Variants in NCR1 observed in about 807,000 individuals in gnomAD.
NCR1 encodes NK cell-activating receptor.
In NCR1, 30 loss-of-function variants were observed where a neutral mutation model predicts 32.5. That is an observed-to-expected ratio of 0.92 (90% CI 0.69 to 1.25). The LOEUF is 1.25. Among genes scored for constraint, NCR1 ranks in the 50% most tolerant of loss-of-function variants. The pLI is 0.00. For synonymous variants in NCR1, 169 were observed against 143.4 expected (o/e 1.18, Z -1.28); for missense variants, 369 against 380.7 (o/e 0.97, Z 0.26).
the NCR1 span, among the ~76,000 whole-genome samples, chr19:54,935,106 T>TC: frequency 1.3e-5 from 2 of 152,196 alleles, no homozygotes; most frequent in Non-Finnish European, 2.9e-5. Flanking sequence ...TAATGTTGCC[T>TC]CTGCTTCTTC....
At chr19:54,929,251 C>T in the NCR1 span, among the ~76,000 whole-genome samples, 1 of 152,006 alleles carries the variant, frequency 6.6e-6, no homozygotes, top group Non-Finnish European at 1.5e-5. Flanking sequence ...CGCCTGTAAT[C>T]CCAACTACTC....
the NCR1 span, among the ~76,000 whole-genome samples, chr19:54,934,025 T>G: frequency 6.6e-6 from 1 of 152,124 alleles, no homozygotes; most frequent in Non-Finnish European, 1.5e-5. The surrounding 1 kb of genome is among the most constrained non-coding windows in gnomAD (Gnocchi z 6.7). Context: ...TCACTGCCAA[T>G]CGCCGCCTCC....
chr19:54,924,810 A>G, the NCR1 span, among the ~76,000 whole-genome samples: 1 of 151,982 alleles, frequency 6.6e-6, no homozygotes, highest in African/African-American at 2.4e-5. Context: ...GTGGCAGACA[A>G]CTGTAATACC....
the NCR1 span, among the ~76,000 whole-genome samples, chr19:54,924,549 A>G: frequency 3.3e-5 from 5 of 152,306 alleles, no homozygotes; most frequent in East Asian, 9.6e-4. Context: ...ACTTGAGCCC[A>G]GGAGGCGGAG....
chr19:54,900,553 C>T, the NCR1 span, among the ~76,000 whole-genome samples: 1 of 152,012 alleles, frequency 6.6e-6, no homozygotes. Context: ...TACATACAGG[C>T]CACAGGGGGA....
chr19:54,916,702 A>ATTTTTTTTTTTTTTT (rs35842513), downstream of NCR1, among the ~76,000 whole-genome samples: 1 of 50,480 alleles, frequency 2.0e-5, no homozygotes, highest in African/African-American at 8.6e-5. Context: ...CAACTGTTCT[A>ATTTTTTTTTTTTTTT]TTTTTTTTTT....
At chr19:54,910,514 A>C (rs2146076427) in intron 5 of NCR1, among the ~76,000 whole-genome samples, 1 of 152,272 alleles carries the variant, frequency 6.6e-6, no homozygotes, top group South Asian at 2.1e-4. Context: ...GGTTGCAGTG[A>C]GCTGAGATCG....
At chr19:54,926,226 G>GTGTC in the NCR1 span, among the ~76,000 whole-genome samples, 1 of 151,044 alleles carries the variant, frequency 6.6e-6, no homozygotes, top group South Asian at 2.1e-4. Context: ...GTGTGTGTGT[G>GTGTC]TGCTCATGCA....
At chr19:54,927,840 C>T in the NCR1 span, 2 of 1,463,094 alleles carry the variant, frequency 1.4e-6, no homozygotes, top group African/African-American at 1.4e-5. Flanking sequence ...GCGTGTAATC[C>T]CAACACTTCG....
chr19:54,930,071 C>T, the NCR1 span, among the ~76,000 whole-genome samples: 2 of 146,544 alleles, frequency 1.4e-5, no homozygotes, highest in Non-Finnish European at 3.0e-5. Flanking sequence ...GCCGAGATCG[C>T]GCCACTGCAC....
Position 54,912,778 on chromosome 19 carries a change from T to C in NCR1, c.822T>C (p.Val274=), listed in dbSNP as rs2068042460. 1 of 1,614,066 alleles carries C rather than the reference T, an allele frequency of 6.2e-7. No homozygotes were observed. The highest frequency in any genetic ancestry group is 8.5e-7 in the Non-Finnish European group (1 of 1,180,018). Residue 274 remains valine, a synonymous_variant, in exon 7 of 7, where the codon GTT becomes GTC. Coordinates refer to ENST00000291890, the MANE Select transcript of NCR1 (RefSeq NM_004829.7). ...TGGTGGCTCTAGTGTGGTTCCTGGTTGAAGACTGGCTCAGCAGGAAGAGGA... is the reference window on the plus strand; with the variant it reads ...TGGTGGCTCTAGTGTGGTTCCTGGTCGAAGACTGGCTCAGCAGGAAGAGGA... The part of the protein sequence containing the change: ...LVLVALVWFL[V]EDWLSRKRTR...
chr19:54,923,263 A>G, the NCR1 span, among the ~76,000 whole-genome samples: 1 of 152,212 alleles, frequency 6.6e-6, no homozygotes. Flanking sequence ...CATATGAACT[A>G]TCTGGCCCGT....
upstream of NCR1, among the ~76,000 whole-genome samples, chr19:54,902,089 G>C (rs920450329): frequency 6.6e-6 from 1 of 152,228 alleles, no homozygotes; most frequent in East Asian, 1.9e-4. Flanking sequence ...TCAGACAATA[G>C]TGTCATATCA....
At chr19:54,917,438 G>GC (rs1350914043), downstream of NCR1, among the ~76,000 whole-genome samples, 6 of 151,848 alleles carry the variant, frequency 4.0e-5, no homozygotes, top group South Asian at 1.0e-3. Flanking sequence ...TCCTGCCTCA[G>GC]CCCCCCAAGG....
At chr19:54,903,403 T>C (rs962263530), upstream of NCR1, among the ~76,000 whole-genome samples, 24 of 145,064 alleles carry the variant, frequency 1.7e-4, no homozygotes, top group African/African-American at 4.3e-4. Flanking sequence ...TATGTATATG[T>C]ATGTATACAC....
the NCR1 span, chr19:54,938,112 C>T: frequency 6.2e-7 from 1 of 1,614,108 alleles, no homozygotes; most frequent in Non-Finnish European, 8.5e-7. Context: ...AAGAGTCACT[C>T]AGGAAGCTTT....
the NCR1 span, chr19:54,927,726 C>G: frequency 6.2e-7 from 1 of 1,613,990 alleles, no homozygotes; most frequent in Admixed American, 1.7e-5. Context: ...CTGAGGAGAG[C>G]AGATCCAAGA....
chr19:54,914,989 C>T (rs568412004), downstream of NCR1, among the ~76,000 whole-genome samples: 7 of 152,156 alleles, frequency 4.6e-5, no homozygotes, highest in African/African-American at 1.7e-4. Context: ...GTGATCCCCC[C>T]GCCTTGGCCT....
At chr19:54,908,064 T>C (rs1157930467) in intron 3 of NCR1, among the ~76,000 whole-genome samples, 1 of 151,970 alleles carries the variant, frequency 6.6e-6, no homozygotes, top group East Asian at 1.9e-4. Flanking sequence ...CATAGGACAA[T>C]AGTGGAGAGA....
Sources: gnomAD v4.1 joint callset for allele counts (sites outside exome capture counted in the v4.1 genomes callset) on GRCh38, gnomAD v4.1.1 for gene constraint, Gnocchi (gnomAD v3.1) non-coding constraint, MANE v1.5 for transcripts, NCBI Gene and HGNC (gene_info 2026-07-23, HGNC 2026-07-21) for gene names.